Variants in DHRS7B observed in about 807,000 individuals in gnomAD.
DHRS7B encodes peroxisomal reductase activating PPAR-gamma.
A neutral mutation model predicts 26.4 loss-of-function variants in DHRS7B; 24 were observed. The ratio of observed to expected loss-of-function variants is 0.91; its 90% CI spans 0.66 to 1.28. DHRS7B has a LOEUF of 1.28. DHRS7B is among the 50% of genes most tolerant of loss of function. The pLI is 0.00. For synonymous variants in DHRS7B, 142 were observed against 166.4 expected (o/e 0.85, Z 1.13); for missense variants, 368 against 419.4 (o/e 0.88, Z 1.07).
intron 1 of DHRS7B, among the ~76,000 whole-genome samples, chr17:21,164,220 G>A (rs1253607680): frequency 6.6e-6 from 1 of 150,612 alleles, no homozygotes; most frequent in Non-Finnish European, 1.5e-5. Flanking sequence ...TTATACAGAC[G>A]GGGTCTCACT....
chr17:21,133,376 C>A (rs1973279537), intron 1 of DHRS7B, among the ~76,000 whole-genome samples: 1 of 151,550 alleles, frequency 6.6e-6, no homozygotes, highest in Non-Finnish European at 1.5e-5. Context: ...GTAAGAAGTA[C>A]TTTAATTCCA....
intron 1 of DHRS7B, among the ~76,000 whole-genome samples, chr17:21,166,973 T>C (rs1974128167): frequency 6.6e-6 from 1 of 152,156 alleles, no homozygotes; most frequent in African/African-American, 2.4e-5. Flanking sequence ...ATGTGGTTTC[T>C]GAGTAGCTTC....
intron 1 of DHRS7B, among the ~76,000 whole-genome samples, chr17:21,157,003 C>T (rs1973897112): frequency 6.6e-6 from 1 of 151,806 alleles, no homozygotes; most frequent in South Asian, 2.1e-4. Context: ...AGACAATCTG[C>T]CAAAACTCAC....
At chr17:21,139,058 A>G (rs897466996) in intron 1 of DHRS7B, among the ~76,000 whole-genome samples, 21 of 152,150 alleles carry the variant, frequency 1.4e-4, no homozygotes, top group African/African-American at 3.9e-4. Context: ...TTAACCTCCA[A>G]TCTGTCCTTG....
intron 1 of DHRS7B, among the ~76,000 whole-genome samples, chr17:21,151,147 C>G (rs548519457): frequency 3.4e-4 from 52 of 152,290 alleles, no homozygotes; most frequent in African/African-American, 1.3e-3. Flanking sequence ...TAGTGTCTGG[C>G]TTCTCATTAT....
chr17:21,188,803 G>A lies in DHRS7B; in HGVS notation c.712G>A (p.Gly238Ser), dbSNP rs756450457. ...YEIEVTVISP[G>S]YIHTNLSVNA... The stretch of plus-strand genomic sequence containing the variant: ...AATTGAGGTGACCGTCATCAGCCCC[G>A]GCTACATCCACACCAACCTCTCTGT... The change falls in exon 6 of 7, where the codon GGC becomes AGC. Residue 238 changes from glycine to serine, a missense_variant. By Grantham distance (56) the Gly-to-Ser change is moderately conservative. Transcript: ENST00000395511. 9.3e-6 allele frequency: 15 copies of A among 1,613,980 alleles called. No homozygotes were observed. The highest frequency in any genetic ancestry group is 1.6e-4 in the Middle Eastern group (1 of 6,084).
intron 3 of DHRS7B, among the ~76,000 whole-genome samples, chr17:21,181,819 TTTG>T (rs1474486364): frequency 6.6e-6 from 1 of 152,290 alleles, no homozygotes; most frequent in African/African-American, 2.4e-5. Context: ...CTTTGCTTAA[TTTG>T]TTAATTAACT....
At chr17:21,166,872 C>G (rs779901257) in intron 1 of DHRS7B, among the ~76,000 whole-genome samples, 1 of 152,058 alleles carries the variant, frequency 6.6e-6, no homozygotes, top group Non-Finnish European at 1.5e-5. Context: ...TCTTACAGAC[C>G]TGAAATTGTT....
chr17:21,132,329 C>T (rs867815537), intron 1 of DHRS7B, among the ~76,000 whole-genome samples: 2 of 115,612 alleles, frequency 1.7e-5, no homozygotes, highest in Admixed American at 1.7e-4. Flanking sequence ...AGGGAGACCC[C>T]ATCTCTTAAA....
intron 1 of DHRS7B, among the ~76,000 whole-genome samples, chr17:21,138,561 G>C (rs2143898968): frequency 6.6e-6 from 1 of 151,860 alleles, no homozygotes; most frequent in African/African-American, 2.4e-5. Context: ...TTTTATTTTA[G>C]GACTAAATTT....
At chr17:21,152,528 G>A (rs954456960) in intron 1 of DHRS7B, among the ~76,000 whole-genome samples, 1 of 152,200 alleles carries the variant, frequency 6.6e-6, no homozygotes, top group African/African-American at 2.4e-5. Context: ...CCCAGTCATG[G>A]GGGGTGCTCA....
chr17:21,150,120 A>AAC (rs1567619788), intron 1 of DHRS7B, among the ~76,000 whole-genome samples: 13 of 149,936 alleles, frequency 8.7e-5, no homozygotes, highest in South Asian at 2.1e-4. Context: ...AAAAAAAAAA[A>AAC]AAAAAAAAAA....
At chr17:21,127,298 G>A in intron 1 of DHRS7B, 1 of 398,984 alleles carries the variant, frequency 2.5e-6, no homozygotes, top group Non-Finnish European at 4.5e-6. Flanking sequence ...AAGGCCTCGC[G>A]CCCACAGGGC....
At chr17:21,188,893 A>G (rs982345425) in intron 6 of DHRS7B, 30 bp downstream of exon 6, 11 of 1,613,844 alleles carry the variant, frequency 6.8e-6, no homozygotes, top group Non-Finnish European at 9.3e-6. Context: ...TTCTCCTATG[A>G]AAATCTGTCG....
At chr17:21,170,445 A>G (rs1037827526) in intron 1 of DHRS7B, among the ~76,000 whole-genome samples, 1 of 152,194 alleles carries the variant, frequency 6.6e-6, no homozygotes, top group Non-Finnish European at 1.5e-5. Flanking sequence ...TTTAGATACC[A>G]CCTTAATCCC....
intron 3 of DHRS7B, among the ~76,000 whole-genome samples, chr17:21,182,130 T>A (rs373265160): frequency 6.6e-6 from 1 of 152,220 alleles, no homozygotes; most frequent in Admixed American, 6.5e-5. Flanking sequence ...ATTGAGTATG[T>A]TTACCATGAA....
At chr17:21,152,787 T>G (rs1232892351) in intron 1 of DHRS7B, among the ~76,000 whole-genome samples, 2 of 152,176 alleles carry the variant, frequency 1.3e-5, no homozygotes, top group Non-Finnish European at 2.9e-5. Context: ...GGAAAATTAA[T>G]ACCCAACTCC....
At chr17:21,175,773 A>G (rs1974362243) in intron 2 of DHRS7B, among the ~76,000 whole-genome samples, 2 of 152,006 alleles carry the variant, frequency 1.3e-5, no homozygotes, top group Admixed American at 1.3e-4. Flanking sequence ...CCTCATCTCT[A>G]CAAAAGTTAG....
chr17:21,178,356 G>A lies in DHRS7B; in HGVS notation c.309+14G>A, dbSNP rs143021440. 894 of 1,609,248 alleles carry A rather than the reference G, an allele frequency of 5.6e-4. 2 individuals carry two copies. The African/African-American group carries it at 7.6e-3, about 14-fold the overall frequency. On this transcript the variant is annotated intron_variant, in intron 3 of 6. Transcript: ENST00000395511. ...CATGCCACCAAGGTGAGCCAGGGGC[G>A]TGCTTTCCATGGGGAAGGAGTGCAG...
Sources: gnomAD v4.1 joint callset for allele counts (sites outside exome capture counted in the v4.1 genomes callset) on GRCh38, gnomAD v4.1.1 for gene constraint, MANE v1.5 for transcripts, NCBI Gene and HGNC (gene_info 2026-07-23, HGNC 2026-07-21) for gene names.